TLR10: variants seen among roughly 807,000 people sequenced by gnomAD.
TLR10 encodes the protein toll like receptor 10, also known as toll-like receptor 10.
For missense variants in TLR10, 929 were observed against 932.9 expected (o/e 1.00, Z 0.05); for synonymous variants, 288 against 338.8 (o/e 0.85, Z 1.65).
At chr4:38,780,789 G>A (rs539632350) in intron 1 of TLR10, among the ~76,000 whole-genome samples, 52 of 152,262 alleles carry the variant, frequency 3.4e-4, no homozygotes, top group Middle Eastern at 3.4e-3. Flanking sequence ...ATAAAGACAG[G>A]ATCAGTATTG....
Position 38,775,891 on chromosome 4 carries a change from A to C in TLR10, c.-179T>G, listed in dbSNP as rs1020158076. Reference sequence around the variant, plus strand: ...CAGGATTCTCAGAGAGGAGAAGCATAATGGACCTTTGGTTTAAGAACTGCA... The same window carrying C: ...CAGGATTCTCAGAGAGGAGAAGCATCATGGACCTTTGGTTTAAGAACTGCA... On this transcript the variant is annotated 5_prime_UTR_variant, in exon 3 of 4. In the 5' UTR this introduces an upstream ATG that the reference lacks. Transcript: ENST00000308973. 1.2e-5 allele frequency: 3 copies of C among 243,414 alleles called. No homozygotes were observed. Among genetic ancestry groups the C allele is most frequent in the Non-Finnish European group, 2.4e-5 (3 of 127,048 alleles). The allele number at this position is 243,414 out of a possible 1,614,324, so 15.1% of individuals were successfully genotyped here. A position where few individuals can be genotyped will look rare whatever the true frequency, so the allele number is the denominator to read the frequency against.
chr4:38,779,689 T>C (rs1579183195), intron 1 of TLR10, among the ~76,000 whole-genome samples: 1 of 152,244 alleles, frequency 6.6e-6, no homozygotes, highest in East Asian at 1.9e-4. Flanking sequence ...AATGATAAAC[T>C]TTATATTTTC....
At chr4:38,782,068 G>A (rs553405410) in intron 1 of TLR10, among the ~76,000 whole-genome samples, 1 of 152,266 alleles carries the variant, frequency 6.6e-6, no homozygotes, top group Admixed American at 6.5e-5. Context: ...CTCAAACCTT[G>A]AAATGAGGTG....
Position 38,773,789 on chromosome 4 carries a change from A to C in TLR10, c.1802T>G (p.Phe601Cys). 6.2e-7 allele frequency: 1 copy of C among 1,603,206 alleles called. No individual in the cohort carries two copies. Among genetic ancestry groups the C allele is most frequent in the Non-Finnish European group, 8.5e-7 (1 of 1,175,508 alleles). The change falls in exon 4 of 4, where the codon TTT becomes TGT. Residue 601 changes from phenylalanine (F) to cysteine (C), a missense_variant. Transcript: ENST00000308973. The part of the protein sequence containing the change: ...GLAVAFCCLH[F>C]DLPWYLRMLG... ...CATCCTGAGATACCAGGGCAGATCAAAGTGGAGACAGCAGAAGGCCACAGC... is the reference window on the plus strand; with the variant it reads ...CATCCTGAGATACCAGGGCAGATCACAGTGGAGACAGCAGAAGGCCACAGC...
At position 38,775,034 on chromosome 4, in the gene TLR10, G is replaced by A. The variant is rs1401428896; in HGVS notation, c.557C>T (p.Pro186Leu). 3.1e-6 allele frequency: 5 copies of A among 1,612,104 alleles called. No individual in the cohort carries two copies. In the African/African-American group the frequency reaches 6.7e-5, roughly 22 times the overall value. ...GTGCAGTTTTGTTGTGTTTAAGATG[G>A]GCAGGCTACCTTCTTCATAATGAGG... is the stretch of plus-strand genomic sequence containing the variant. ...TLPHYEEGSL[P>L]ILNTTKLHIV... is the part of the protein sequence containing the mutation. The change falls in exon 4 of 4, where the codon CCC becomes CTC. Residue 186 changes from proline to leucine, a missense_variant. Coordinates refer to ENST00000308973, the MANE Select transcript of TLR10 (RefSeq NM_030956.4).
chr4:38,774,221 G>A lies in TLR10; in HGVS notation c.1370C>T (p.Thr457Ile), dbSNP rs1169566093. 1.2e-6 allele frequency: 2 copies of A among 1,613,822 alleles called. No individual in the cohort carries two copies. Among genetic ancestry groups the A allele is most frequent in the Non-Finnish European group, 1.7e-6 (2 of 1,179,998 alleles). ...CAGATGAATAGTCTCTTTAGGTACA[G>A]TTTGGATTTGGTTATTATTTAGGTC... ...ILDLNNNQIQ[T>I]VPKETIHLMA... Residue 457 changes from threonine to isoleucine, a missense_variant, in exon 4 of 4, where the codon ACT becomes ATT. Transcript: ENST00000308973.
chr4:38,778,287 TG>T (rs1417593964), intron 1 of TLR10, among the ~76,000 whole-genome samples: 2 of 151,450 alleles, frequency 1.3e-5, no homozygotes, highest in East Asian at 3.9e-4. Flanking sequence ...TGTCAGGGGG[TG>T]GGGGGCTAGG....
At position 38,782,143 on chromosome 4, in the gene TLR10, T is replaced by C. The variant is rs143710218; in HGVS notation, c.-569+778A>G. Among the ~76,000 whole-genome samples, 1,394 of 152,308 alleles carry C rather than the reference T, an allele frequency of 9.2e-3. 19 individuals are homozygous for C. The highest frequency in any genetic ancestry group is 0.027 in the African/African-American group (1,118 of 41,566). ...GGTTGAATCCATTGATCTGACCAGC[T>C]GCCATGGCGGCCACTTCCTCCTTTC... On this transcript the variant is annotated intron_variant, in intron 1 of 3. Coordinates refer to ENST00000308973, the MANE Select transcript of TLR10 (RefSeq NM_030956.4).
Position 38,774,097 on chromosome 4 carries a change from G to A in TLR10, c.1494C>T (p.Asn498=). Residue 498 remains asparagine (N), a synonymous_variant, in exon 4 of 4, where the codon AAC becomes AAT. Coordinates refer to ENST00000308973, the MANE Select transcript of TLR10 (RefSeq NM_030956.4). Reference sequence around the variant, plus strand: ...AATCCAGAGATGGGCTGAGAATGAAGTTCATTTCAATGTTCAGAACTGAAA... The same window carrying A: ...AATCCAGAGATGGGCTGAGAATGAAATTCATTTCAATGTTCAGAACTGAAA... ...SRLSVLNIEM[N]FILSPSLDFV... The A allele has an allele frequency of 6.2e-7, 1 of 1,612,362 alleles. No homozygotes were observed. Among genetic ancestry groups the A allele is most frequent in the Non-Finnish European group, 8.5e-7 (1 of 1,178,684 alleles).
chr4:38,775,271 CTGT>C lies in TLR10; in HGVS notation c.317_319del (p.Asn106del). The C allele has an allele frequency of 1.9e-6, 3 of 1,613,960 alleles. No homozygotes were observed. The highest frequency in any genetic ancestry group is 2.5e-6 in the Non-Finnish European group (3 of 1,179,968). On this transcript the variant is annotated inframe_deletion, in exon 4 of 4. Coordinates refer to ENST00000308973, the MANE Select transcript of TLR10 (RefSeq NM_030956.4). ...TAAATACCAAGTTACACTCTTCAGT[CTGT>C]TATTAGACAAATCTAAATATCTTAA... is the stretch of plus-strand genomic sequence containing the variant.
rs1724866022 is a variant in TLR10, at chr4:38,774,197, AG to A, written c.1393del (p.Leu465Ter). ...IQTVPKETIH[L>X]MALRELNIAF... is the part of the protein sequence containing the mutation. Reference sequence around the variant, plus strand: ...AATATTTAGTTCTCGTAAGGCCATCAGATGAATAGTCTCTTTAGGTACAGTT... The same window carrying A: ...AATATTTAGTTCTCGTAAGGCCATCAATGAATAGTCTCTTTAGGTACAGTT... On this transcript the variant is annotated frameshift_variant, in exon 4 of 4. Coordinates refer to ENST00000308973, the MANE Select transcript of TLR10 (RefSeq NM_030956.4). LOFTEE classifies it low-confidence loss of function (END_TRUNC). The A allele has an allele frequency of 6.2e-7, 1 of 1,613,244 alleles. No homozygotes were observed. Among genetic ancestry groups the A allele is most frequent in the African/African-American group, 1.3e-5 (1 of 74,902 alleles).
At position 38,773,367 on chromosome 4, in the gene TLR10, A is replaced by G; in HGVS notation, c.2224T>C (p.Tyr742His). 1 of 1,614,030 alleles carries G rather than the reference A, an allele frequency of 6.2e-7. No homozygotes were observed. The highest frequency in any genetic ancestry group is 1.1e-5 in the South Asian group (1 of 91,052). ...TCCAGGAGAGCTTTCAGTTTATGAT[A>G]CCTGGTGGGAATGCAATAGAATGGA... ...PIPFYCIPTR[Y>H]HKLKALLEKK... The change falls in exon 4 of 4, where the codon TAT becomes CAT. Residue 742 changes from tyrosine to histidine, a missense_variant. Coordinates refer to ENST00000308973, the MANE Select transcript of TLR10 (RefSeq NM_030956.4).
At chr4:38,778,192 T>C (rs1346039874) in intron 1 of TLR10, among the ~76,000 whole-genome samples, 1 of 151,988 alleles carries the variant, frequency 6.6e-6, no homozygotes, top group East Asian at 1.9e-4. Context: ...AGCAAACTAA[T>C]ACAAGAACAG....
chr4:38,773,405 A>G lies in TLR10; in HGVS notation c.2186T>C (p.Leu729Ser). The G allele has an allele frequency of 6.2e-7, 1 of 1,613,814 alleles. No homozygotes were observed. The highest frequency in any genetic ancestry group is 1.1e-5 in the South Asian group (1 of 90,972). ...GCAATAGAATGGAATGGGTTCCAGT[A>G]AGATAAGAATTATATGATCAGAATT... ...HENSDHIILILLEPIPFYCIP... is the reference protein window; with the variant it reads ...HENSDHIILISLEPIPFYCIP... The change falls in exon 4 of 4, where the codon TTA (leucine) becomes TCA (serine). Residue 729 changes from leucine (L) to serine (S), a missense_variant. Physicochemically the swap from Leu to Ser is moderately radical, Grantham distance 145 (BLOSUM62 -2). Transcript: ENST00000308973.
At position 38,774,374 on chromosome 4, in the gene TLR10, TGACTCAGATCCAA is replaced by T. The variant is rs748675308; in HGVS notation, c.1204_1216del (p.Leu402LysfsTer21). 1 of 1,612,980 alleles carries T rather than the reference TGACTCAGATCCAA, an allele frequency of 6.2e-7. No homozygotes were observed. The highest frequency in any genetic ancestry group is 1.3e-5 in the African/African-American group (1 of 74,862). On this transcript the variant is annotated frameshift_variant, in exon 4 of 4. Coordinates refer to ENST00000308973, the MANE Select transcript of TLR10 (RefSeq NM_030956.4). LOFTEE classifies it low-confidence loss of function (END_TRUNC). ...ATCATTTTTATGTTGTAATAGATTT[TGACTCAGATCCAA>T]GTGTTCCAAGGGTGTGTTGTTAGCA...
At position 38,774,902 on chromosome 4, in the gene TLR10, C is replaced by G. The variant is rs777843645; in HGVS notation, c.689G>C (p.Ser230Thr). The change falls in exon 4 of 4, where the codon AGT (serine) becomes ACT (threonine). Residue 230 changes from serine (S) to threonine (T), a missense_variant. Physicochemically the swap from Ser to Thr is moderately conservative, Grantham distance 58. Coordinates refer to ENST00000308973, the MANE Select transcript of TLR10 (RefSeq NM_030956.4). Reference sequence around the variant, plus strand: ...ACTAAGATTTCGTTGCATTTCATAACTTACAAATTGGCTTTTGCCATCTAT... The same window carrying G: ...ACTAAGATTTCGTTGCATTTCATAAGTTACAAATTGGCTTTTGCCATCTAT... ...TNIDGKSQFV[S>T]YEMQRNLSLE... 5.6e-6 allele frequency: 9 copies of G among 1,610,474 alleles called. No homozygotes were observed. The highest frequency in any genetic ancestry group is 7.6e-6 in the Non-Finnish European group (9 of 1,178,648).
In TLR10 at chr4:38,773,342, T is replaced by G; in HGVS notation, c.2249A>C (p.Glu750Ala). 6.2e-7 allele frequency: 1 copy of G among 1,613,928 alleles called. No individual in the cohort carries two copies. Among genetic ancestry groups the G allele is most frequent in the Non-Finnish European group, 8.5e-7 (1 of 1,179,952 alleles). ...TRYHKLKALL[E>A]KKAYLEWPKD... ...GGGCCATTCCAAGTATGCTTTTTTTTCCAGGAGAGCTTTCAGTTTATGATA... is the reference window on the plus strand; with the variant it reads ...GGGCCATTCCAAGTATGCTTTTTTTGCCAGGAGAGCTTTCAGTTTATGATA... The change falls in exon 4 of 4, where the codon GAA (glutamate) becomes GCA (alanine). Residue 750 changes from glutamate to alanine, a missense_variant. By Grantham distance (107) the Glu-to-Ala change is moderately radical (BLOSUM62 -1). Transcript: ENST00000308973.
intron 3 of TLR10, 25 bp downstream of exon 3, chr4:38,775,750 C>A: frequency 1.4e-6 from 1 of 690,960 alleles, no homozygotes; most frequent in Non-Finnish European, 2.2e-6. Flanking sequence ...CTACATTCAT[C>A]AAGAGGTTGG....
Position 38,775,012 on chromosome 4 carries a change from C to T in TLR10, c.579G>A (p.Leu193=). ...TTGTGTCCATTGGTAAAACAATGTG[C>T]AGTTTTGTTGTGTTTAAGATGGGCA... ...GSLPILNTTK[L]HIVLPMDTNF... is the part of the protein sequence containing the mutation. Residue 193 remains leucine (L), a synonymous_variant, in exon 4 of 4, where the codon CTG becomes CTA. Transcript: ENST00000308973. 6.2e-7 allele frequency: 1 copy of T among 1,612,816 alleles called. No individual in the cohort carries two copies. Among genetic ancestry groups the T allele is most frequent in the South Asian group, 1.1e-5 (1 of 90,798 alleles).
Sources: allele counts gnomAD v4.1 joint callset (sites outside exome capture counted in the v4.1 genomes callset), GRCh38; gene constraint gnomAD v4.1.1; transcripts MANE v1.5; gene names NCBI Gene and HGNC (gene_info 2026-07-23, HGNC 2026-07-21).